CCDC88A: variants seen among roughly 807,000 people sequenced by gnomAD.
CCDC88A encodes the protein coiled-coil and HOOK domain protein 88A.
CCDC88A carries 54 observed loss-of-function variants against 234.3 expected under a neutral mutation model. The observed-to-expected ratio is 0.23, with a 90% CI of 0.19 to 0.29. The LOEUF (loss-of-function observed/expected upper bound fraction) is 0.29, where lower values mean the gene tolerates loss of function less well. CCDC88A is among the 10% of genes least tolerant of loss of function. The pLI is 1.00. For synonymous variants in CCDC88A, 753 were observed against 737.8 expected (o/e 1.02, Z -0.33); for missense variants, 1,832 against 2,123.4 (o/e 0.86, Z 2.70).
chr2:55,303,813 G>A (rs980666363), intron 25 of CCDC88A, among the ~76,000 whole-genome samples: 26 of 152,144 alleles, frequency 1.7e-4, no homozygotes, highest in African/African-American at 6.0e-4. Flanking sequence ...AAGGCTACTG[G>A]TGGTTCACAG....
chr2:55,374,680 G>A, intron 4 of CCDC88A, 134 bp downstream of exon 4: 1 of 490,168 alleles, frequency 2.0e-6, no homozygotes. Context: ...TCTATAAAAT[G>A]GAACATCACC....
intron 2 of CCDC88A, among the ~76,000 whole-genome samples, chr2:55,391,147 G>C (rs1368155289): frequency 6.6e-6 from 1 of 152,176 alleles, no homozygotes; most frequent in East Asian, 1.9e-4. Flanking sequence ...CAAGTAGAGT[G>C]GAGTAGACTT....
chr2:55,354,779 C>A (rs181869491), intron 8 of CCDC88A, among the ~76,000 whole-genome samples: 1 of 151,572 alleles, frequency 6.6e-6, no homozygotes, highest in African/African-American at 2.4e-5. Context: ...GTTGGCCAGA[C>A]CGGTCTTGAA....
In CCDC88A at chr2:55,388,790, T is replaced by C. The variant is rs933198197; in HGVS notation, c.261A>G (p.Lys87=). Reference sequence around the variant, plus strand: ...AAAGAGCACTTACCTGGTAATAAAATTTTATCTGTCTCACCAAAATGGATA... The same window carrying C: ...AAAGAGCACTTACCTGGTAATAAAACTTTATCTGTCTCACCAAAATGGATA... The part of the protein sequence containing the change: ...HNLSILVRQI[K]FYYQETLQQL... Residue 87 remains lysine, a synonymous_variant, in exon 3 of 33, where the codon AAA becomes AAG. Coordinates refer to ENST00000436346, the MANE Select transcript of CCDC88A (RefSeq NM_001365480.1). 2.1e-6 allele frequency: 3 copies of C among 1,416,532 alleles called. No individual in the cohort carries two copies. The highest frequency in any genetic ancestry group is 1.5e-5 in the African/African-American group (1 of 68,952). 87.7% of individuals were successfully genotyped at this position (1,416,532 alleles called of 1,614,324 possible).
chr2:55,377,175 T>C (rs1220294264), intron 3 of CCDC88A, among the ~76,000 whole-genome samples: 1 of 147,144 alleles, frequency 6.8e-6, no homozygotes, highest in East Asian at 2.0e-4. Flanking sequence ...AGCAAAATTA[T>C]GAGGACTGTC....
chr2:55,317,895 T>G lies in CCDC88A; in HGVS notation c.3325-54A>C, dbSNP rs1683169217. On this transcript the variant is annotated intron_variant, in intron 19 of 32. Transcript: ENST00000436346. This position sits in a 1 kb window ranked among gnomAD's most constrained non-coding sequence, Gnocchi z 4.2. ...TAAGAAAAACAGTTCATGTTCTTTT[T>G]CAAAATACAAGATTACAATGTTAAT... The G allele has an allele frequency of 8.1e-7, 1 of 1,236,220 alleles. No homozygotes were observed. 76.6% of individuals were successfully genotyped at this position (1,236,220 alleles called of 1,614,324 possible).
At chr2:55,353,409 G>C (rs1670143197) in intron 8 of CCDC88A, among the ~76,000 whole-genome samples, 1 of 152,076 alleles carries the variant, frequency 6.6e-6, no homozygotes, top group Non-Finnish European at 1.5e-5. Flanking sequence ...TGGTGCAGCT[G>C]TTTATAGAAT....
chr2:55,294,464 TA>T (rs1679786523), intron 31 of CCDC88A: 1 of 857,070 alleles, frequency 1.2e-6, no homozygotes, highest in Admixed American at 6.2e-5. Context: ...GGGTATTAGT[TA>T]ATATTTGTTA....
At position 55,299,182 on chromosome 2, in the gene CCDC88A, C is replaced by T. The variant is rs139018311; in HGVS notation, c.4825+657G>A. ...TCACACCACTGCACTCCAGCCTGGG[C>T]GACAGAGTGAGACTCCGTCTCAAAA... On this transcript the variant is annotated intron_variant, in intron 29 of 32. Coordinates refer to ENST00000436346, the MANE Select transcript of CCDC88A (RefSeq NM_001365480.1). 4.7e-3 allele frequency among the ~76,000 whole-genome samples: 715 copies of T among 152,062 alleles called. 7 individuals carry two copies. The highest frequency in any genetic ancestry group is 0.017 in the African/African-American group (688 of 41,466).
chr2:55,290,827 A>G lies in CCDC88A; in HGVS notation c.*373T>C, dbSNP rs1279024007. 1 of 152,548 alleles carries G rather than the reference A, an allele frequency of 6.6e-6. No homozygotes were observed. The allele number at this position is 152,548 out of a possible 1,614,324, so 9.4% of individuals were successfully genotyped here. A position where few individuals can be genotyped will look rare whatever the true frequency, so the allele number is the denominator to read the frequency against. On this transcript the variant is annotated 3_prime_UTR_variant, in exon 33 of 33. Coordinates refer to ENST00000436346, the MANE Select transcript of CCDC88A (RefSeq NM_001365480.1). ...ATTAAGCAAACATGGATAAATTCAT[A>G]AAACAAATGATGAAAAAAGCAGATT...
chr2:55,410,718 T>TACAAAAA (rs933433574), intron 2 of CCDC88A, among the ~76,000 whole-genome samples: 1 of 151,788 alleles, frequency 6.6e-6, no homozygotes. Context: ...ACTCTGCCTT[T>TACAAAAA]ACAAAAAACA....
chr2:55,353,903 G>A (rs74438490), intron 8 of CCDC88A, among the ~76,000 whole-genome samples: 5,244 of 152,190 alleles, frequency 0.034, 272 homozygotes, highest in African/African-American at 0.12. Context: ...CGAGTTAGGC[G>A]ATTTCATCAC....
At chr2:55,293,211 G>T (rs991591469) in intron 31 of CCDC88A, among the ~76,000 whole-genome samples, 1 of 152,020 alleles carries the variant, frequency 6.6e-6, no homozygotes, top group Non-Finnish European at 1.5e-5. Flanking sequence ...AGTTGAAATA[G>T]CTGTGAAATA....
At chr2:55,354,759 G>A (rs1000554550) in intron 8 of CCDC88A, among the ~76,000 whole-genome samples, 2 of 150,668 alleles carry the variant, frequency 1.3e-5, no homozygotes, top group Non-Finnish European at 3.0e-5. Flanking sequence ...TAGAGACGGG[G>A]TTTCACCATG....
chr2:55,367,528 G>GTTTTTTTTTTTTTTTTT, intron 5 of CCDC88A, among the ~76,000 whole-genome samples: 1,663 of 99,748 alleles, frequency 0.017, 290 homozygotes, highest in Admixed American at 0.022. Context: ...TTATTTCCTT[G>GTTTTTTTTTTTTTTTTT]TTTTTTTTTA....
intron 8 of CCDC88A, chr2:55,350,000 C>T (rs1398774758): frequency 6.5e-6 from 1 of 154,692 alleles, no homozygotes; most frequent in Non-Finnish European, 1.4e-5. Context: ...GCAAACTTGA[C>T]TCACTGCAAC....
chr2:55,370,376 T>C (rs1329621420), intron 5 of CCDC88A, among the ~76,000 whole-genome samples: 1 of 152,104 alleles, frequency 6.6e-6, no homozygotes, highest in East Asian at 1.9e-4. Flanking sequence ...GCATGATGAC[T>C]CAAGCCTGTA....
Position 55,316,122 on chromosome 2 carries a change from T to G in CCDC88A, c.3747-8A>C. Reference sequence around the variant, plus strand: ...CTATAGGTATGATTCAGCCTATAATTAGAAATCATAGAAATATAATTAGAT... The same window carrying G: ...CTATAGGTATGATTCAGCCTATAATGAGAAATCATAGAAATATAATTAGAT... On this transcript the variant is annotated splice_polypyrimidine_tract_variant and splice_region_variant and intron_variant, in intron 21 of 32. Coordinates refer to ENST00000436346, the MANE Select transcript of CCDC88A (RefSeq NM_001365480.1). The G allele has an allele frequency of 8.8e-7, 1 of 1,135,634 alleles. No individual in the cohort carries two copies. The highest frequency in any genetic ancestry group is 1.2e-6 in the Non-Finnish European group (1 of 807,492). 70.3% of individuals were successfully genotyped at this position (1,135,634 alleles called of 1,614,324 possible). A position where few individuals can be genotyped will look rare whatever the true frequency, so the allele number is the denominator to read the frequency against.
chr2:55,369,506 C>T (rs2104811147), intron 5 of CCDC88A, among the ~76,000 whole-genome samples: 1 of 147,294 alleles, frequency 6.8e-6, no homozygotes, highest in South Asian at 2.1e-4. Context: ...GGCTAGAGTG[C>T]AGTGGAGCCA....
Sources: allele counts gnomAD v4.1 joint callset (sites outside exome capture counted in the v4.1 genomes callset), GRCh38; gene constraint gnomAD v4.1.1; non-coding constraint Gnocchi (gnomAD v3.1); transcripts MANE v1.5; gene names NCBI Gene and HGNC (gene_info 2026-07-23, HGNC 2026-07-21).